PRAMEF10: variants seen among roughly 807,000 people sequenced by gnomAD.
PRAMEF10 encodes PRAME family member 10.
PRAMEF10 carries 4 observed loss-of-function variants against 27.7 expected under a neutral mutation model. That is an observed-to-expected ratio of 0.14 (90% CI 0.07 to 0.33). PRAMEF10 has a LOEUF of 0.33. PRAMEF10 is among the 10% of genes least tolerant of loss of function. PRAMEF10 has a pLI of 1.00. For missense variants in PRAMEF10, 99 were observed against 453.9 expected (o/e 0.22, Z 7.10); for synonymous variants, 46 against 176.0 (o/e 0.26, Z 5.85).
intron 1 of PRAMEF10, among the ~76,000 whole-genome samples, chr1:12,897,753 A>C (rs1176580154): frequency 6.7e-6 from 1 of 149,576 alleles, no homozygotes; most frequent in Non-Finnish European, 1.5e-5. Context: ...GATACTCAGG[A>C]GGCTGAGGCA....
At chr1:12,894,054 T>G (rs1429454957) in intron 3 of PRAMEF10, among the ~76,000 whole-genome samples, 1 of 149,732 alleles carries the variant, frequency 6.7e-6, no homozygotes, top group Non-Finnish European at 1.5e-5. Flanking sequence ...GGATTACAGG[T>G]GCCTGTCTGC....
chr1:12,896,715 A>G (rs1641213280), intron 1 of PRAMEF10, among the ~76,000 whole-genome samples: 1 of 39,092 alleles, frequency 2.6e-5, no homozygotes, highest in Non-Finnish European at 6.0e-5. Flanking sequence ...GGCTAGATTC[A>G]AAAAAGAGAG....
intron 1 of PRAMEF10, among the ~76,000 whole-genome samples, chr1:12,897,744 A>C (rs889951152): frequency 1.3e-5 from 2 of 149,344 alleles, no homozygotes; most frequent in Non-Finnish European, 3.0e-5. Flanking sequence ...GTAATACCAG[A>C]TACTCAGGAG....
chr1:12,894,035 A>G (rs1641171200), intron 3 of PRAMEF10, among the ~76,000 whole-genome samples: 1 of 148,590 alleles, frequency 6.7e-6, no homozygotes, highest in African/African-American at 2.5e-5. Context: ...TCAGTCTCCC[A>G]AGCAGCTGGG....
chr1:12,893,206 G>T lies in PRAMEF10; in HGVS notation c.1135C>A (p.Leu379Ile), dbSNP rs1404138277. 1 of 1,603,246 alleles carries T rather than the reference G, an allele frequency of 6.2e-7. No homozygotes were observed. The highest frequency in any genetic ancestry group is 8.5e-7 in the Non-Finnish European group (1 of 1,172,814). ...TTTCCATGAAAGTTGAAGGTGGTGA[G>T]CTGGGAACAGTGGCTCAGGGCAGGC... ...LLPALSHCSQ[L>I]TTFNFHGNET... The change falls in exon 4 of 4, where the codon CTC (leucine) becomes ATC (isoleucine). Residue 379 changes from leucine (L) to isoleucine (I), a missense_variant. Coordinates refer to ENST00000235347, the MANE Select transcript of PRAMEF10 (RefSeq NM_001039361.4).
At chr1:12,894,298 T>C (rs1641174630) in intron 3 of PRAMEF10, among the ~76,000 whole-genome samples, 1 of 141,960 alleles carries the variant, frequency 7.0e-6, no homozygotes, top group African/African-American at 2.6e-5. Context: ...CACAAGGAGT[T>C]CACAAATGCA....
At chr1:12,894,090 T>G (rs1349391787) in intron 3 of PRAMEF10, among the ~76,000 whole-genome samples, 2 of 151,094 alleles carry the variant, frequency 1.3e-5, no homozygotes, top group Admixed American at 6.6e-5. Context: ...TTTTTTTGTA[T>G]TTTTAGTAGA....
chr1:12,897,593 A>G (rs984627430), intron 1 of PRAMEF10, among the ~76,000 whole-genome samples: 1 of 149,464 alleles, frequency 6.7e-6, no homozygotes, highest in Non-Finnish European at 1.5e-5. Flanking sequence ...CCAGTGGCTC[A>G]TGGCTGTAAT....
chr1:12,897,704 A>G (rs552773674), intron 1 of PRAMEF10, among the ~76,000 whole-genome samples: 4 of 148,816 alleles, frequency 2.7e-5, no homozygotes, highest in Non-Finnish European at 5.9e-5. Context: ...TAAAAATACA[A>G]AAATTAGCCA....
rs1268374468 is a variant in PRAMEF10 at position 12,895,133 on chromosome 1, C to A, written c.319G>T (p.Asp107Tyr). The A allele has an allele frequency of 6.8e-7, 1 of 1,480,730 alleles. No individual in the cohort carries two copies. The highest frequency in any genetic ancestry group is 9.2e-7 in the Non-Finnish European group (1 of 1,083,768). The allele number at this position is 1,480,730 out of a possible 1,614,324, so 91.7% of individuals were successfully genotyped here. A position where few individuals can be genotyped will look rare whatever the true frequency, so the allele number is the denominator to read the frequency against. The change falls in exon 3 of 4, where the codon GAT (aspartate) becomes TAT (tyrosine). Residue 107 changes from aspartate (D) to tyrosine (Y), a missense_variant. Asp to Tyr is a radical substitution (Grantham distance 160). Transcript: ENST00000235347. ...ATGGTCCAGAAATTCTCATCAACAT[C>A]CCTCAAATCCAGCACTTGAAGTTTC... ...RWKLQVLDLRDVDENFWTIWS... is the reference protein window; with the variant it reads ...RWKLQVLDLRYVDENFWTIWS...
intron 3 of PRAMEF10, among the ~76,000 whole-genome samples, chr1:12,893,886 G>A (rs1641169164): frequency 7.8e-6 from 1 of 127,832 alleles, no homozygotes; most frequent in Middle Eastern, 3.7e-3. Flanking sequence ...CTAAGCTGCT[G>A]AAGACAGAGC....
intron 3 of PRAMEF10, among the ~76,000 whole-genome samples, chr1:12,893,991 G>A (rs866853736): frequency 0.025 from 3,562 of 141,436 alleles, 53 homozygotes; most frequent in Non-Finnish European, 0.04. Context: ...TAGTGGCACC[G>A]ACTCAGCTCA....
At position 12,893,255 on chromosome 1, in the gene PRAMEF10, C is replaced by A; in HGVS notation, c.1086G>T (p.Gln362His). The A allele has an allele frequency of 6.2e-7, 1 of 1,611,268 alleles. No homozygotes were observed. Among genetic ancestry groups the A allele is most frequent in the Non-Finnish European group, 8.5e-7 (1 of 1,179,554 alleles). Residue 362 changes from glutamine (Q) to histidine (H), a missense_variant, in exon 4 of 4, where the codon CAG becomes CAT. Physicochemically the swap from Gln to His is conservative, Grantham distance 24. Coordinates refer to ENST00000235347, the MANE Select transcript of PRAMEF10 (RefSeq NM_001039361.4). ...GCAGGAGGACCCTGAGTTGGGGGTCCTGGATCCGACAGTCCTTTAAGACGA... is the reference window on the plus strand; with the variant it reads ...GCAGGAGGACCCTGAGTTGGGGGTCATGGATCCGACAGTCCTTTAAGACGA... ...KTLVLKDCRI[Q>H]DPQLRVLLPA...
Position 12,893,071 on chromosome 1 carries a change from G to T in PRAMEF10, c.1270C>A (p.His424Asn), listed in dbSNP as rs1158319330. ...GGGGTGAGGATCTCCCAATTGACAT[G>T]ACCCTTGTAGTCAAGACTCTCCAGA... ...APLESLDYKG[H>N]VNWEILTPIR... Residue 424 changes from histidine (H) to asparagine (N), a missense_variant, in exon 4 of 4, where the codon CAT becomes AAT. Coordinates refer to ENST00000235347, the MANE Select transcript of PRAMEF10 (RefSeq NM_001039361.4). 1.3e-6 allele frequency: 2 copies of T among 1,597,356 alleles called. No homozygotes were observed. The highest frequency in any genetic ancestry group is 1.7e-6 in the Non-Finnish European group (2 of 1,169,466).
chr1:12,892,930 G>A lies in PRAMEF10; in HGVS notation c.1411C>T (p.His471Tyr), dbSNP rs974384984. 6.3e-7 allele frequency: 1 copy of A among 1,590,852 alleles called. No homozygotes were observed. The highest frequency in any genetic ancestry group is 8.6e-7 in the Non-Finnish European group (1 of 1,165,516). ...CCAGGCCTTCCCTAGGAGCAAAGAT[G>A]GAAGTCCACTTTCTCAGATGGCCAT... ...GSWPSEKVDFHLCS is the reference protein window; with the variant it reads ...GSWPSEKVDFYLCS Residue 471 changes from histidine to tyrosine, a missense_variant, in exon 4 of 4, where the codon CAT (histidine) becomes TAT (tyrosine). Coordinates refer to ENST00000235347, the MANE Select transcript of PRAMEF10 (RefSeq NM_001039361.4).
At chr1:12,894,028 G>T (rs1641171088) in intron 3 of PRAMEF10, among the ~76,000 whole-genome samples, 1 of 148,278 alleles carries the variant, frequency 6.7e-6, no homozygotes, top group African/African-American at 2.5e-5. Flanking sequence ...CCTTGCCTCA[G>T]TCTCCCAAGC....
intron 1 of PRAMEF10, among the ~76,000 whole-genome samples, chr1:12,897,659 C>G (rs1641226814): frequency 6.7e-6 from 1 of 149,498 alleles, no homozygotes; most frequent in Admixed American, 6.6e-5. Flanking sequence ...GAGTTTGAGA[C>G]CAACTTGGCC....
At chr1:12,894,444 AT>A in intron 3 of PRAMEF10, 141 bp downstream of exon 3, 1 of 810,230 alleles carries the variant, frequency 1.2e-6, no homozygotes, top group South Asian at 1.8e-5. Flanking sequence ...ACTGAAGAGC[AT>A]AATGAGTTGA....
In PRAMEF10 at chr1:12,892,992, A is replaced by T; in HGVS notation, c.1349T>A (p.Ile450Asn). Residue 450 changes from isoleucine to asparagine, a missense_variant, in exon 4 of 4, where the codon ATC (isoleucine) becomes AAC (asparagine). Transcript: ENST00000235347. ...AGGGCAAGGGACGGGACCAAAGAAGATCCTCTTGGGCTGCCTGACTTCCCT... is the reference window on the plus strand; with the variant it reads ...AGGGCAAGGGACGGGACCAAAGAAGTTCCTCTTGGGCTGCCTGACTTCCCT... ...TLREVRQPKR[I>N]FFGPVPCPNC... The T allele has an allele frequency of 1.3e-6, 2 of 1,579,614 alleles. No homozygotes were observed. The highest frequency in any genetic ancestry group is 1.1e-5 in the South Asian group (1 of 89,716).
Sources: allele counts gnomAD v4.1 joint callset (sites outside exome capture counted in the v4.1 genomes callset), GRCh38; gene constraint gnomAD v4.1.1; transcripts MANE v1.5; gene names NCBI Gene and HGNC (gene_info 2026-07-23, HGNC 2026-07-21).